The following PCDHGB2 variants were observed in gnomAD, a reference collection of about 807,000 sequenced individuals.
PCDHGB2 encodes protocadherin gamma subfamily B, 2.
A neutral mutation model predicts 59.3 loss-of-function variants in PCDHGB2; 55 were observed. That is an observed-to-expected ratio of 0.93 (90% confidence interval 0.75 to 1.16). The LOEUF (loss-of-function observed/expected upper bound fraction) is 1.16. Ranked by LOEUF, PCDHGB2 falls within the 50% of genes most tolerant of loss-of-function variation. The probability of loss-of-function intolerance (pLI) is 0.00; values close to 1 mark genes in which losing one functional copy is unlikely to be tolerated. For synonymous variants in PCDHGB2, 516 were observed against 512.0 expected, an observed-to-expected ratio of 1.01 and a Z score of -0.11; for missense variants, 1,228 against 1,198.5, an observed-to-expected ratio of 1.02 and a Z score of -0.36.
intron 3 of PCDHGB2, among the ~76,000 whole-genome samples, chr5:141,507,714 C>T (rs1425955843): frequency 6.6e-6 from 1 of 152,280 alleles, no homozygotes; most frequent in Non-Finnish European, 1.5e-5. Flanking sequence ...GCCCCAAACC[C>T]TCCAAGCAAG....
intron 1 of PCDHGB2, chr5:141,366,176 C>G (rs1764373617): frequency 1.2e-6 from 2 of 1,613,926 alleles, no homozygotes; most frequent in Admixed American, 3.3e-5. Flanking sequence ...CGAGCCAGGA[C>G]TCTTTGCGGT....
At chr5:141,407,738 A>G (rs928743977) in intron 1 of PCDHGB2, among the ~76,000 whole-genome samples, 3 of 152,046 alleles carry the variant, frequency 2.0e-5, no homozygotes, top group Admixed American at 2.0e-4. Context: ...CACTATATAT[A>G]CTCCCTACTG....
chr5:141,489,893 G>A lies in PCDHGB2; in HGVS notation c.2422-4914G>A. ...CTGGTGCTTACTGCTGTGGATGGGG[G>A]GACCCCAGCCCGCTCAGGGACCACC... On this transcript the variant is annotated intron_variant, in intron 1 of 3. Transcript: ENST00000522605. This position sits in a 1 kb window ranked among gnomAD's most constrained non-coding sequence, Gnocchi z 4.5. 6.2e-7 allele frequency: 1 copy of A among 1,614,190 alleles called. No individual in the cohort carries two copies. Among genetic ancestry groups the A allele is most frequent in the South Asian group, 1.1e-5 (1 of 91,084 alleles).
chr5:141,389,983 T>C (rs1224770373), intron 1 of PCDHGB2: 1 of 1,614,014 alleles, frequency 6.2e-7, no homozygotes, highest in East Asian at 2.2e-5. Context: ...ATCTCAGTGC[T>C]CTTCCTCGTG....
chr5:141,508,721 G>A (rs1266581528), intron 3 of PCDHGB2, among the ~76,000 whole-genome samples: 1 of 151,930 alleles, frequency 6.6e-6, no homozygotes, highest in Non-Finnish European at 1.5e-5. Flanking sequence ...TCTGTGTGCA[G>A]GGAGACTACA....
chr5:141,460,128 T>C (rs10051366), intron 1 of PCDHGB2, among the ~76,000 whole-genome samples: 42,386 of 151,808 alleles, frequency 0.28, 6,635 homozygotes, highest in African/African-American at 0.43. Context: ...ATATGTAATA[T>C]ATATATTCTT....
intron 1 of PCDHGB2, chr5:141,428,461 G>A: frequency 2.8e-6 from 1 of 352,014 alleles, no homozygotes; most frequent in South Asian, 2.8e-5. Flanking sequence ...CAACTACAAT[G>A]AGGGAACTTT....
chr5:141,447,681 C>T (rs2098548531), intron 1 of PCDHGB2, among the ~76,000 whole-genome samples: 1 of 152,066 alleles, frequency 6.6e-6, no homozygotes, highest in African/African-American at 2.4e-5. Flanking sequence ...TGTTCCATAT[C>T]TTGATAGAGG....
chr5:141,476,264 G>T lies in PCDHGB2; in HGVS notation c.2422-18543G>T, dbSNP rs753184649. On this transcript the variant is annotated intron_variant, in intron 1 of 3. Coordinates refer to ENST00000522605, the MANE Select transcript of PCDHGB2 (RefSeq NM_018923.3). This position sits in a 1 kb window ranked among gnomAD's most constrained non-coding sequence, Gnocchi z 7.6. ...AGAGAAGGGTTTCGCTGTGGGCAAC[G>T]TGGTCGCGAACCTTGGTTTGGATCT... The T allele has an allele frequency of 5.0e-6, 8 of 1,613,964 alleles. No individual in the cohort carries two copies. In the African/African-American group the frequency reaches 8.0e-5, roughly 16 times the overall value.
At chr5:141,394,840 G>GCA (rs2093111243) in intron 1 of PCDHGB2, 1 of 1,613,834 alleles carries the variant, frequency 6.2e-7, no homozygotes. Flanking sequence ...ACCGAGTTGG[G>GCA]CAGTCTGAAG....
At chr5:141,429,845 T>C (rs888160645) in intron 1 of PCDHGB2, among the ~76,000 whole-genome samples, 4 of 152,222 alleles carry the variant, frequency 2.6e-5, no homozygotes, top group Non-Finnish European at 1.5e-5. Context: ...GGTAAGTCTG[T>C]AACATTCTTT....
intron 1 of PCDHGB2, among the ~76,000 whole-genome samples, chr5:141,452,835 C>A (rs2098750110): frequency 6.6e-6 from 1 of 152,154 alleles, no homozygotes; most frequent in Admixed American, 6.5e-5. Flanking sequence ...TCACTTGGTC[C>A]AGCCCACACT....
intron 1 of PCDHGB2, chr5:141,468,556 GAT>G (rs754546771): frequency 6.6e-6 from 1 of 151,930 alleles, no homozygotes; most frequent in Non-Finnish European, 1.5e-5. Flanking sequence ...TAACATTTGT[GAT>G]ATAGTAAACA....
intron 1 of PCDHGB2, chr5:141,492,005 C>A (rs1444993907): frequency 3.1e-6 from 2 of 642,268 alleles, no homozygotes; most frequent in African/African-American, 3.8e-5. Flanking sequence ...GGGCGATTTC[C>A]GCGGGTGTCG....
chr5:141,374,326 C>A, intron 1 of PCDHGB2: 1 of 1,613,980 alleles, frequency 6.2e-7, no homozygotes, highest in Non-Finnish European at 8.5e-7. Context: ...ATCCGCGAAA[C>A]GGCAGCTTGG....
chr5:141,361,219 C>T lies in PCDHGB2; in HGVS notation c.1084C>T (p.Pro362Ser). Reference sequence around the variant, plus strand: ...TACTCCCCTACCGGAGGATTCGCCACCAGGAACAGTGATCGCCTTGATAAA... The same window carrying T: ...TACTCCCCTACCGGAGGATTCGCCATCAGGAACAGTGATCGCCTTGATAAA... Reference protein sequence around the residue: ...VSTPLPEDSPPGTVIALIKTR... With the variant: ...VSTPLPEDSPSGTVIALIKTR... Residue 362 changes from proline (P) to serine (S), a missense_variant, in exon 1 of 4, where the codon CCA (proline) becomes TCA (serine). Coordinates refer to ENST00000522605, the MANE Select transcript of PCDHGB2 (RefSeq NM_018923.3). 1.2e-6 allele frequency: 2 copies of T among 1,613,924 alleles called. No individual in the cohort carries two copies. Among genetic ancestry groups the T allele is most frequent in the Non-Finnish European group, 1.7e-6 (2 of 1,179,886 alleles).
Position 141,364,330 on chromosome 5 carries a change from A to C in PCDHGB2, c.2421+1774A>C, listed in dbSNP as rs765774882. The C allele has an allele frequency of 8.9e-5, 137 of 1,531,760 alleles. 1 individual carries two copies. The highest frequency in any genetic ancestry group is 7.0e-6 in the Non-Finnish European group (8 of 1,143,452). The allele number at this position is 1,531,760 out of a possible 1,614,324, so 94.9% of individuals were successfully genotyped here. On this transcript the variant is annotated intron_variant, in intron 1 of 3. Transcript: ENST00000522605. ...AGAGAAAATTGGGCAGAGAGAAGGC[A>C]ATGGCGAGTCCACCTAGGGGCTGGG...
At chr5:141,446,697 C>T (rs1254994356) in intron 1 of PCDHGB2, among the ~76,000 whole-genome samples, 9 of 152,134 alleles carry the variant, frequency 5.9e-5, no homozygotes, top group Admixed American at 5.9e-4. Context: ...AGGCTGGTCT[C>T]GAACTCTGAT....
At chr5:141,399,758 T>G in intron 1 of PCDHGB2, 1 of 1,613,334 alleles carries the variant, frequency 6.2e-7, no homozygotes, top group Non-Finnish European at 8.5e-7. Context: ...AACGTGAGCC[T>G]GCGCGTGTTG....
Sources: gnomAD v4.1 joint callset for allele counts (sites outside exome capture counted in the v4.1 genomes callset) on GRCh38, gnomAD v4.1.1 for gene constraint, Gnocchi (gnomAD v3.1) non-coding constraint, MANE v1.5 for transcripts, NCBI Gene and HGNC (gene_info 2026-07-23, HGNC 2026-07-21) for gene names.